The following GRIN3B variants were observed in gnomAD, a reference collection of about 807,000 sequenced individuals.
GRIN3B encodes the protein glutamate ionotropic receptor NMDA type subunit 3B.
A neutral mutation model predicts 66.0 loss-of-function variants in GRIN3B; 77 were observed. The ratio of observed to expected loss-of-function variants is 1.17; its 90% CI spans 0.97 to 1.41. The LOEUF is 1.41. GRIN3B is among the 40% of genes most tolerant of loss of function. The pLI is 0.00. For missense variants in GRIN3B, 1,787 were observed against 1,564.5 expected, an observed-to-expected ratio of 1.14 and a Z score of -2.40; for synonymous variants, 823 against 749.7, an observed-to-expected ratio of 1.10 and a Z score of -1.60.
intron 1 of GRIN3B, chr19:1,002,512 G>A (rs1374839659): frequency 2.0e-5 from 3 of 152,052 alleles, no homozygotes; most frequent in Non-Finnish European, 4.4e-5. Context: ...GATGGCACTG[G>A]GCACAAGGGG....
chr19:1,007,623 C>T lies in GRIN3B; in HGVS notation c.2053-5C>T. The stretch of plus-strand genomic sequence containing the variant: ...GCAGAGGCGCTGACGGGGTCCCCCG[C>T]GCAGCTGCACCACCCGGCGCAGGGC... On this transcript the variant is annotated splice_region_variant and splice_polypyrimidine_tract_variant and intron_variant, in intron 3 of 8. Transcript: ENST00000234389. The surrounding 1 kb of genome is among the most constrained non-coding windows in gnomAD (Gnocchi z 4.4). 1 of 1,494,516 alleles carries T rather than the reference C, an allele frequency of 6.7e-7. No individual in the cohort carries two copies. The highest frequency in any genetic ancestry group is 2.7e-5 in the East Asian group (1 of 37,076). The allele number at this position is 1,494,516 out of a possible 1,614,324, so 92.6% of individuals were successfully genotyped here. A position where few individuals can be genotyped will look rare whatever the true frequency, so the allele number is the denominator to read the frequency against.
Position 1,007,422 on chromosome 19 carries a change from C to T in GRIN3B, c.2053-206C>T, listed in dbSNP as rs1418535260. Reference sequence around the variant, plus strand: ...CCCGGGGTGATCCTGCCCCCCGCCCCAGGGGACCCTGGACAGTGTGTGTCT... The same window carrying T: ...CCCGGGGTGATCCTGCCCCCCGCCCTAGGGGACCCTGGACAGTGTGTGTCT... On this transcript the variant is annotated intron_variant, in intron 3 of 8. Transcript: ENST00000234389. This position sits in a 1 kb window ranked among gnomAD's most constrained non-coding sequence, Gnocchi z 4.4. Among the ~76,000 whole-genome samples the T allele has an allele frequency of 6.6e-6, 1 of 151,978 alleles. No homozygotes were observed. Among genetic ancestry groups the T allele is most frequent in the African/African-American group, 2.4e-5 (1 of 41,364 alleles).
At position 1,007,396 on chromosome 19, in the gene GRIN3B, A is replaced by C. The variant is rs2038761798; in HGVS notation, c.2053-232A>C. Among the ~76,000 whole-genome samples, 1 of 151,738 alleles carries C rather than the reference A, an allele frequency of 6.6e-6. No individual in the cohort carries two copies. Among genetic ancestry groups the C allele is most frequent in the African/African-American group, 2.4e-5 (1 of 41,260 alleles). ...CCGGCGTTTAGAACAGAGGGTCTCC[A>C]CCCGGGGTGATCCTGCCCCCCGCCC... On this transcript the variant is annotated intron_variant, in intron 3 of 8. Transcript: ENST00000234389. The surrounding 1 kb of genome is among the most constrained non-coding windows in gnomAD (Gnocchi z 4.4).
intron 5 of GRIN3B, 56 bp from the exon 6 acceptor site, chr19:1,008,084 C>A: frequency 1.9e-6 from 3 of 1,563,848 alleles, no homozygotes; most frequent in Non-Finnish European, 2.6e-6. Flanking sequence ...CGTGTGCGGG[C>A]AGAGTTCCCC....
chr19:1,006,749 C>T (rs1421314850), intron 3 of GRIN3B, among the ~76,000 whole-genome samples: 4 of 152,182 alleles, frequency 2.6e-5, no homozygotes, highest in African/African-American at 7.2e-5. Context: ...AAAGCGTAGA[C>T]GCCATGCTGT....
chr19:1,000,695 G>T lies in GRIN3B; in HGVS notation c.258G>T (p.Ser86=). Residue 86 remains serine (S), a synonymous_variant, in exon 1 of 9, where the codon TCG becomes TCT. Transcript: ENST00000234389. ...VAAPPARDPA[S]LTRGLCQALV... is the part of the protein sequence containing the mutation. The stretch of plus-strand genomic sequence containing the variant: ...CGCCCCCCGCCCGCGACCCCGCCTC[G>T]CTGACCCGCGGCCTGTGCCAGGCGC... 1.5e-6 allele frequency: 2 copies of T among 1,378,608 alleles called. No individual in the cohort carries two copies. Among genetic ancestry groups the T allele is most frequent in the Non-Finnish European group, 1.9e-6 (2 of 1,063,908 alleles). The allele number at this position is 1,378,608 out of a possible 1,614,324, so 85.4% of individuals were successfully genotyped here. A position where few individuals can be genotyped will look rare whatever the true frequency, so the allele number is the denominator to read the frequency against.
chr19:1,008,475 C>G, intron 6 of GRIN3B, 143 bp from the exon 7 acceptor site: 1 of 1,082,344 alleles, frequency 9.2e-7, no homozygotes, highest in Non-Finnish European at 1.3e-6. Context: ...CTCACTCCCC[C>G]CAGCCATGGA....
intron 2 of GRIN3B, 139 bp downstream of exon 2, chr19:1,003,861 C>A (rs2240156): frequency 1.6e-6 from 1 of 616,582 alleles, no homozygotes; most frequent in Non-Finnish European, 2.5e-6. Context: ...CCGAGGCGAG[C>A]GGATCACTTG....
At chr19:1,002,876 A>C in intron 1 of GRIN3B, 1 of 373,236 alleles carries the variant, frequency 2.7e-6, no homozygotes. Flanking sequence ...GGCACATGCA[A>C]AAAAAAAACA....
At position 1,003,349 on chromosome 19, in the gene GRIN3B, C is replaced by G. The variant is rs186778870; in HGVS notation, c.646C>G (p.Arg216Gly). The G allele has an allele frequency of 3.8e-6, 6 of 1,578,614 alleles. No individual in the cohort carries two copies. Among genetic ancestry groups the G allele is most frequent in the Non-Finnish European group, 5.1e-6 (6 of 1,166,390 alleles). Residue 216 changes from arginine to glycine, a missense_variant, in exon 2 of 9, where the codon CGG (arginine) becomes GGG (glycine). Coordinates refer to ENST00000234389, the MANE Select transcript of GRIN3B (RefSeq NM_138690.3). Reference protein sequence around the residue: ...SRRDTGDAGLRARLAPMAAPV... With the variant: ...SRRDTGDAGLGARLAPMAAPV... ...GCGGGACACGGGAGATGCAGGACTG[C>G]GGGCACGCCTGGCCCCGATGGCGGC...
Position 1,007,658 on chromosome 19 carries a change from GGCACCGTGTGGGAGAGCAGCGCCGAGGC to G in GRIN3B, c.2085_2112del (p.Val697SerfsTer57), listed in dbSNP as rs1568392252. 1 of 1,529,108 alleles carries G rather than the reference GGCACCGTGTGGGAGAGCAGCGCCGAGGC, an allele frequency of 6.5e-7. No individual in the cohort carries two copies. Among genetic ancestry groups the G allele is most frequent in the Non-Finnish European group, 8.8e-7 (1 of 1,140,400 alleles). 94.7% of individuals were successfully genotyped at this position (1,529,108 alleles called of 1,614,324 possible). A position where few individuals can be genotyped will look rare whatever the true frequency, so the allele number is the denominator to read the frequency against. On this transcript the variant is annotated frameshift_variant, in exon 4 of 9. Transcript: ENST00000234389. LOFTEE classifies it high-confidence loss of function. The surrounding 1 kb of genome is among the most constrained non-coding windows in gnomAD (Gnocchi z 4.4). ...CCACCCGGCGCAGGGCTTCCGCTTCGGCACCGTGTGGGAGAGCAGCGCCGAGGCGTACATCAAGAAGAGCTTCCCCGAC... is the reference window on the plus strand; with the variant it reads ...CCACCCGGCGCAGGGCTTCCGCTTCGGTACATCAAGAAGAGCTTCCCCGAC...
Position 1,000,489 on chromosome 19 carries a change from G to C in GRIN3B, c.52G>C (p.Gly18Arg). 8.3e-7 allele frequency: 1 copy of C among 1,204,192 alleles called. No homozygotes were observed. The highest frequency in any genetic ancestry group is 1.0e-6 in the Non-Finnish European group (1 of 969,396). 74.6% of individuals were successfully genotyped at this position (1,204,192 alleles called of 1,614,324 possible). The change falls in exon 1 of 9, where the codon GGG (glycine) becomes CGG (arginine). Residue 18 changes from glycine (G) to arginine (R), a missense_variant. By Grantham distance (125) the Gly-to-Arg change is moderately radical (BLOSUM62 -2). Transcript: ENST00000234389. ...WLGLALALGPGSAGGHPQPCG... is the reference protein window; with the variant it reads ...WLGLALALGPRSAGGHPQPCG... ...GGGCCTGGCGCTGGCGCTGGGGCCG[G>C]GGTCCGCGGGGGGCCACCCTCAGCC... is the stretch of plus-strand genomic sequence containing the variant.
At position 1,009,622 on chromosome 19, in the gene GRIN3B, G is replaced by T; in HGVS notation, c.*20G>T. 2 of 1,409,060 alleles carry T rather than the reference G, an allele frequency of 1.4e-6. No individual in the cohort carries two copies. Among genetic ancestry groups the T allele is most frequent in the East Asian group, 2.9e-5 (1 of 34,206 alleles). The allele number at this position is 1,409,060 out of a possible 1,614,324, so 87.3% of individuals were successfully genotyped here. A position where few individuals can be genotyped will look rare whatever the true frequency, so the allele number is the denominator to read the frequency against. On this transcript the variant is annotated 3_prime_UTR_variant, in exon 9 of 9. Coordinates refer to ENST00000234389, the MANE Select transcript of GRIN3B (RefSeq NM_138690.3). The stretch of plus-strand genomic sequence containing the variant: ...GAATGAGGCGGCAGCCGGGCCGTTT[G>T]GGCTCAAGACACACACACAGCGCAG...
At position 1,005,956 on chromosome 19, in the gene GRIN3B, A is replaced by G. The variant is rs1437777138; in HGVS notation, c.2052+403A>G. On this transcript the variant is annotated intron_variant, in intron 3 of 8. Transcript: ENST00000234389. This position sits in a 1 kb window ranked among gnomAD's most constrained non-coding sequence, Gnocchi z 5.2. ...GAGGCGGAGGTTGCAGTGAATCAAG[A>G]TGGCACCATTGCACTCTAGCCTGGG... Among the ~76,000 whole-genome samples the G allele has an allele frequency of 1.3e-5, 2 of 152,044 alleles. No individual in the cohort carries two copies. The highest frequency in any genetic ancestry group is 4.8e-5 in the African/African-American group (2 of 41,418).
Position 1,000,667 on chromosome 19 carries a change from C to T in GRIN3B, c.230C>T (p.Ala77Val), listed in dbSNP as rs747492431. The T allele has an allele frequency of 6.0e-6, 8 of 1,328,120 alleles. No individual in the cohort carries two copies. The South Asian group carries it at 1.5e-4, about 25-fold the overall frequency. 82.3% of individuals were successfully genotyped at this position (1,328,120 alleles called of 1,614,324 possible). A position where few individuals can be genotyped will look rare whatever the true frequency, so the allele number is the denominator to read the frequency against. The change falls in exon 1 of 9, where the codon GCC (alanine) becomes GTC (valine). Residue 77 changes from alanine (A) to valine (V), a missense_variant. Ala to Val is a moderately conservative substitution (Grantham distance 64). Transcript: ENST00000234389. The part of the protein sequence containing the change: ...PHNLSLELVV[A>V]APPARDPASL... ...AACCTGAGCTTGGAGCTGGTGGTCG[C>T]CGCGCCCCCCGCCCGCGACCCCGCC...
At chr19:1,004,404 T>C (rs1228063799) in intron 2 of GRIN3B, 117 bp from the exon 3 acceptor site, 2 of 891,406 alleles carry the variant, frequency 2.2e-6, no homozygotes, top group Non-Finnish European at 3.5e-6. Flanking sequence ...GCGTCCACGT[T>C]TGTCCTCATG....
chr19:1,003,565 C>G lies in GRIN3B; in HGVS notation c.862C>G (p.Pro288Ala). The G allele has an allele frequency of 6.7e-7, 1 of 1,501,418 alleles. No individual in the cohort carries two copies. The highest frequency in any genetic ancestry group is 8.8e-7 in the Non-Finnish European group (1 of 1,131,212). The allele number at this position is 1,501,418 out of a possible 1,614,324, so 93.0% of individuals were successfully genotyped here. Reference protein sequence around the residue: ...LLALGEVARPPLEAAIHDIVQ... With the variant: ...LLALGEVARPALEAAIHDIVQ... ...GGCGCTGGGCGAGGTGGCACGACCC[C>G]CGCTGGAGGCCGCCATCCATGACAT... Residue 288 changes from proline to alanine, a missense_variant, in exon 2 of 9, where the codon CCG (proline) becomes GCG (alanine). Coordinates refer to ENST00000234389, the MANE Select transcript of GRIN3B (RefSeq NM_138690.3).
At chr19:1,006,076 C>T (rs990977470) in intron 3 of GRIN3B, among the ~76,000 whole-genome samples, 5 of 152,150 alleles carry the variant, frequency 3.3e-5, no homozygotes, top group South Asian at 4.1e-4. Context: ...TCTCAAACGC[C>T]GGGGCTCAAG....
rs11085232 is a variant in GRIN3B, at chr19:1,007,159, C to A, written c.2053-469C>A. On this transcript the variant is annotated intron_variant, in intron 3 of 8. Transcript: ENST00000234389. This position sits in a 1 kb window ranked among gnomAD's most constrained non-coding sequence, Gnocchi z 4.4. ...GGGCAGTTCCCTGTGTTGCAGGTGG[C>A]GCCCCCCAGGGTTTTCGGGAGAAAC... 0.38 allele frequency among the ~76,000 whole-genome samples: 57,124 copies of A among 151,904 alleles called. 10,935 individuals are homozygous for A. The highest frequency in any genetic ancestry group is 0.42 in the African/African-American group (17,285 of 41,402).
Sources: gnomAD v4.1 joint callset for allele counts (sites outside exome capture counted in the v4.1 genomes callset) on GRCh38, gnomAD v4.1.1 for gene constraint, Gnocchi (gnomAD v3.1) non-coding constraint, MANE v1.5 for transcripts, NCBI Gene and HGNC (gene_info 2026-07-23, HGNC 2026-07-21) for gene names.